Variants in GALNT13 observed in about 807,000 individuals in gnomAD.
GALNT13 encodes the protein polypeptide N-acetylgalactosaminyltransferase 13.
In GALNT13, 28 loss-of-function variants were observed where a neutral mutation model predicts 64.2. The ratio of observed to expected loss-of-function variants is 0.44; its 90% CI spans 0.32 to 0.60. GALNT13 has a LOEUF of 0.60. Among genes scored for constraint, GALNT13 ranks in the 20% least tolerant of loss-of-function variants. The pLI is 0.05. For missense variants in GALNT13, 577 were observed against 669.8 expected (o/e 0.86, Z 1.53); for synonymous variants, 214 against 224.6 (o/e 0.95, Z 0.42).
the GALNT13 span, among the ~76,000 whole-genome samples, chr2:153,818,287 G>C: frequency 6.6e-6 from 1 of 152,264 alleles, no homozygotes; most frequent in Non-Finnish European, 1.5e-5. Flanking sequence ...CCTATGTGGA[G>C]CCCCACAGGT....
the GALNT13 span, among the ~76,000 whole-genome samples, chr2:153,436,617 G>A: frequency 1.3e-5 from 2 of 152,196 alleles, no homozygotes; most frequent in Non-Finnish European, 2.9e-5. Flanking sequence ...TATTTGCATA[G>A]AGGTGTTTGT....
chr2:153,565,995 GA>G, the GALNT13 span, among the ~76,000 whole-genome samples: 1 of 152,042 alleles, frequency 6.6e-6, no homozygotes. Context: ...GAACGCTTTT[GA>G]TATAGTTGTA....
chr2:154,014,129 A>G (rs909359677), intron 3 of GALNT13, among the ~76,000 whole-genome samples: 4 of 152,208 alleles, frequency 2.6e-5, no homozygotes, highest in Admixed American at 1.3e-4. Flanking sequence ...ACCCAAATGC[A>G]AAAGCCACTT....
chr2:153,488,750 G>A, the GALNT13 span, among the ~76,000 whole-genome samples: 1 of 152,310 alleles, frequency 6.6e-6, no homozygotes, highest in African/African-American at 2.4e-5. Flanking sequence ...AGCCTGCTAT[G>A]GTTTGACTGC....
chr2:153,849,695 CAGA>C, the GALNT13 span, among the ~76,000 whole-genome samples: 65 of 152,082 alleles, frequency 4.3e-4, no homozygotes, highest in African/African-American at 1.4e-3. Flanking sequence ...ATAGAGGAGA[CAGA>C]AGAAGAAGTT....
At chr2:154,089,403 TC>T (rs1701689717) in intron 3 of GALNT13, among the ~76,000 whole-genome samples, 1 of 152,150 alleles carries the variant, frequency 6.6e-6, no homozygotes, top group Admixed American at 6.6e-5. Context: ...GCAAGGGTGA[TC>T]GGGGCCCGCC....
the GALNT13 span, among the ~76,000 whole-genome samples, chr2:153,144,915 C>T: frequency 6.6e-6 from 1 of 151,656 alleles, no homozygotes; most frequent in Non-Finnish European, 1.5e-5. Flanking sequence ...TTTTCTAATA[C>T]AATTATCAAA....
chr2:154,167,676 A>C (rs926819355), intron 4 of GALNT13, among the ~76,000 whole-genome samples: 8 of 152,168 alleles, frequency 5.3e-5, no homozygotes, highest in Non-Finnish European at 8.8e-5. Context: ...ACACAACTTA[A>C]TGTAGGGAGA....
chr2:153,727,404 C>CT, the GALNT13 span, among the ~76,000 whole-genome samples: 1 of 151,978 alleles, frequency 6.6e-6, no homozygotes, highest in South Asian at 2.1e-4. Flanking sequence ...GCATTTGGTA[C>CT]TTTTTTTTAT....
the GALNT13 span, among the ~76,000 whole-genome samples, chr2:153,802,557 A>G: frequency 6.6e-6 from 1 of 152,210 alleles, no homozygotes; most frequent in Non-Finnish European, 1.5e-5. Flanking sequence ...TTATGAGTCC[A>G]TCTAATCCTT....
At chr2:153,359,630 C>CAAA in the GALNT13 span, among the ~76,000 whole-genome samples, 944 of 38,232 alleles carry the variant, frequency 0.025, 189 homozygotes, top group Non-Finnish European at 0.032. Context: ...CAGCTTTCAG[C>CAAA]AAAAAAAAAA....
At chr2:154,264,640 C>T (rs958297495) in intron 8 of GALNT13, among the ~76,000 whole-genome samples, 3 of 151,516 alleles carry the variant, frequency 2.0e-5, no homozygotes, top group African/African-American at 7.3e-5. Context: ...CTGTCAAAAA[C>T]AAACAAACAA....
At chr2:153,509,380 T>A in the GALNT13 span, among the ~76,000 whole-genome samples, 1 of 152,182 alleles carries the variant, frequency 6.6e-6, no homozygotes, top group Non-Finnish European at 1.5e-5. Flanking sequence ...TGGCGGAGCC[T>A]CCCCTGCTGC....
chr2:154,142,826 G>A (rs907575592), intron 4 of GALNT13, among the ~76,000 whole-genome samples: 10 of 150,472 alleles, frequency 6.6e-5, no homozygotes, highest in African/African-American at 1.9e-4. Context: ...GTGCATATGT[G>A]TGTGTGTGTG....
At chr2:154,154,537 A>G (rs914543856) in intron 4 of GALNT13, among the ~76,000 whole-genome samples, 3 of 152,344 alleles carry the variant, frequency 2.0e-5, no homozygotes, top group East Asian at 1.9e-4. Flanking sequence ...GGTATTATAG[A>G]TAAGAGAAGC....
chr2:153,175,141 C>A, the GALNT13 span, among the ~76,000 whole-genome samples: 1 of 152,100 alleles, frequency 6.6e-6, no homozygotes, highest in Non-Finnish European at 1.5e-5. Context: ...GAAGGATGAC[C>A]TAAATTTAGC....
At chr2:154,322,522 G>T (rs1456727743) in intron 9 of GALNT13, among the ~76,000 whole-genome samples, 1 of 152,082 alleles carries the variant, frequency 6.6e-6, no homozygotes, top group Non-Finnish European at 1.5e-5. Context: ...CTACATATCA[G>T]TGGCAGCCTT....
intron 12 of GALNT13, among the ~76,000 whole-genome samples, chr2:154,441,479 G>C (rs1701294819): frequency 6.6e-6 from 1 of 152,098 alleles, no homozygotes; most frequent in Admixed American, 6.6e-5. Context: ...GGAGTTCATA[G>C]AATTACAGAA....
At chr2:153,359,849 A>C in the GALNT13 span, among the ~76,000 whole-genome samples, 9 of 152,150 alleles carry the variant, frequency 5.9e-5, no homozygotes, top group Non-Finnish European at 1.3e-4. Context: ...ATCTCAGCAA[A>C]AAGGTAGAAA....
Sources: gnomAD v4.1 joint callset for allele counts (sites outside exome capture counted in the v4.1 genomes callset) on GRCh38, gnomAD v4.1.1 for gene constraint, MANE v1.5 for transcripts, NCBI Gene and HGNC (gene_info 2026-07-23, HGNC 2026-07-21) for gene names.